The following FBXO11 variants were observed in gnomAD, a reference collection of about 807,000 sequenced individuals.
FBXO11 encodes the protein F-box only protein 11.
A neutral mutation model predicts 117.0 loss-of-function variants in FBXO11; 13 were observed. The ratio of observed to expected loss-of-function variants is 0.11; its 90% confidence interval spans 0.07 to 0.18. The LOEUF (loss-of-function observed/expected upper bound fraction) is 0.18, where lower values mean the gene tolerates loss of function less well. Ranked by LOEUF, FBXO11 falls within the 10% of genes least tolerant of loss-of-function variation. FBXO11 has a pLI of 1.00. For synonymous variants in FBXO11, 490 were observed against 380.5 expected (o/e 1.29, Z -3.35); for missense variants, 767 against 1,164.4 (o/e 0.66, Z 4.97).
Position 47,905,559 on chromosome 2 carries a change from C to A in FBXO11, c.162G>T (p.Gln54His), listed in dbSNP as rs952069055. 2 of 1,251,726 alleles carry A rather than the reference C, an allele frequency of 1.6e-6. No homozygotes were observed. Among genetic ancestry groups the A allele is most frequent in the African/African-American group, 1.6e-5 (1 of 63,582 alleles). 77.5% of individuals were successfully genotyped at this position (1,251,726 alleles called of 1,614,324 possible). A position where few individuals can be genotyped will look rare whatever the true frequency, so the allele number is the denominator to read the frequency against. The part of the protein sequence containing the change: ...QPPPPPQQQQ[Q>H]QQPPPPPPPP... ...GCGGTGGCGGCGGCGGAGGCTGCTG[C>A]TGCTGCTGCTGCTGCGGCGGCGGCG... Residue 54 changes from glutamine to histidine, a missense_variant, in exon 1 of 23, where the codon CAG becomes CAT. Gln to His is a conservative substitution (Grantham distance 24, BLOSUM62 0). Around this residue, in one of 10 missense-constraint regions of FBXO11, gnomAD observed 355 missense variants for 299.8 expected, o/e 1.18. Coordinates refer to ENST00000403359, the MANE Select transcript of FBXO11 (RefSeq NM_001190274.2).
chr2:47,883,767 G>T, intron 1 of FBXO11: 1 of 241,880 alleles, frequency 4.1e-6, no homozygotes, highest in South Asian at 6.1e-5. Context: ...AATACCATAA[G>T]GTGTATGAGA....
intron 1 of FBXO11, among the ~76,000 whole-genome samples, chr2:47,877,869 G>A (rs564951057): frequency 9.9e-5 from 15 of 152,234 alleles, no homozygotes; most frequent in Admixed American, 4.6e-4. Context: ...ATTTTTAGTA[G>A]AGATGGGGTT....
intron 1 of FBXO11, among the ~76,000 whole-genome samples, chr2:47,861,253 TC>T (rs1296199126): frequency 6.6e-6 from 1 of 151,942 alleles, no homozygotes; most frequent in Non-Finnish European, 1.5e-5. Flanking sequence ...CATCCACACT[TC>T]CTATGGAGTA....
intron 1 of FBXO11, among the ~76,000 whole-genome samples, chr2:47,891,125 T>A (rs1677233098): frequency 6.6e-6 from 1 of 152,112 alleles, no homozygotes; most frequent in Non-Finnish European, 1.5e-5. Flanking sequence ...CCAAAACTAT[T>A]ACTTTTTACT....
intron 11 of FBXO11, among the ~76,000 whole-genome samples, chr2:47,827,810 C>G (rs116312393): frequency 6.6e-6 from 1 of 151,390 alleles, no homozygotes; most frequent in Admixed American, 6.6e-5. Context: ...AATTTTCGTG[C>G]CTCAGCCTCC....
chr2:47,809,288 G>GT, intron 20 of FBXO11, 22 bp from the exon 21 acceptor site: 2 of 1,419,766 alleles, frequency 1.4e-6, no homozygotes, highest in Non-Finnish European at 9.8e-7. Flanking sequence ...GAAAGAATAA[G>GT]TAAAAATTCA....
At chr2:47,840,252 T>A (rs934789377) in intron 1 of FBXO11, among the ~76,000 whole-genome samples, 3 of 148,618 alleles carry the variant, frequency 2.0e-5, no homozygotes, top group Non-Finnish European at 3.0e-5. Flanking sequence ...CGTGGAAGAC[T>A]TTTTTTTAAA....
In FBXO11 at chr2:47,905,686, C is replaced by A. The variant is rs1275921658; in HGVS notation, c.35G>T (p.Arg12Met). ...NSVRAANRRP[R>M]RVSRPRPVQQ... The stretch of plus-strand genomic sequence containing the variant: ...CACCGGGCGCGGCCGCGACACTCGC[C>A]TGGGTCTCCGGTTGGCGGCTCGGAC... The change falls in exon 1 of 23, where the codon AGG becomes ATG. Residue 12 changes from arginine (R) to methionine (M), a missense_variant. Around this residue, in one of 10 missense-constraint regions of FBXO11, gnomAD observed 355 missense variants for 299.8 expected, o/e 1.18. Coordinates refer to ENST00000403359, the MANE Select transcript of FBXO11 (RefSeq NM_001190274.2). The A allele has an allele frequency of 6.6e-7, 1 of 1,517,418 alleles. No individual in the cohort carries two copies. The highest frequency in any genetic ancestry group is 2.0e-5 in the Admixed American group (1 of 49,652). 94.0% of individuals were successfully genotyped at this position (1,517,418 alleles called of 1,614,324 possible).
At chr2:47,850,869 AT>A (rs1388268001) in intron 1 of FBXO11, among the ~76,000 whole-genome samples, 1 of 152,218 alleles carries the variant, frequency 6.6e-6, no homozygotes, top group Non-Finnish European at 1.5e-5. Context: ...AGAATGGAAC[AT>A]TTAAAAATGT....
intron 1 of FBXO11, among the ~76,000 whole-genome samples, chr2:47,864,372 G>A (rs1675033137): frequency 6.6e-6 from 1 of 152,208 alleles, no homozygotes; most frequent in South Asian, 2.1e-4. Flanking sequence ...CAGATCACCT[G>A]AGGTCAGGAG....
intron 13 of FBXO11, among the ~76,000 whole-genome samples, chr2:47,821,599 G>A (rs975435778): frequency 4.7e-5 from 7 of 149,202 alleles, no homozygotes; most frequent in Non-Finnish European, 7.4e-5. Flanking sequence ...GATAGAGAGA[G>A]ACTCCGTCTC....
At chr2:47,851,081 G>A (rs1034547880) in intron 1 of FBXO11, among the ~76,000 whole-genome samples, 5 of 152,180 alleles carry the variant, frequency 3.3e-5, no homozygotes, top group South Asian at 2.1e-4. Flanking sequence ...TAGTGTTTAT[G>A]TCCAAGGAGA....
At chr2:47,826,827 C>T (rs1671790692) in intron 11 of FBXO11, among the ~76,000 whole-genome samples, 1 of 151,706 alleles carries the variant, frequency 6.6e-6, no homozygotes, top group Non-Finnish European at 1.5e-5. Flanking sequence ...GTGCAGTGGC[C>T]CAATCTTGGC....
At chr2:47,826,796 C>T (rs770885849) in intron 11 of FBXO11, among the ~76,000 whole-genome samples, 3 of 152,126 alleles carry the variant, frequency 2.0e-5, no homozygotes, top group Non-Finnish European at 4.4e-5. Flanking sequence ...CACAGAGTCT[C>T]ACTCTGTTGC....
chr2:47,820,749 G>C (rs1046300763), intron 13 of FBXO11, among the ~76,000 whole-genome samples: 1 of 152,186 alleles, frequency 6.6e-6, no homozygotes, highest in Non-Finnish European at 1.5e-5. Context: ...TGATCAGTAA[G>C]TATCTTTGTG....
chr2:47,877,596 G>T (rs772990625), intron 1 of FBXO11, among the ~76,000 whole-genome samples: 1 of 152,116 alleles, frequency 6.6e-6, no homozygotes. Flanking sequence ...TGGTGTGTGT[G>T]TATCTTTGTG....
intron 1 of FBXO11, among the ~76,000 whole-genome samples, chr2:47,902,908 T>C (rs1476935306): frequency 6.6e-6 from 1 of 151,062 alleles, no homozygotes; most frequent in Non-Finnish European, 1.5e-5. Context: ...CATTAAGAGT[T>C]AGTAAAAGGT....
intron 16 of FBXO11, among the ~76,000 whole-genome samples, chr2:47,816,294 C>T (rs1393686263): frequency 6.6e-6 from 1 of 152,202 alleles, no homozygotes; most frequent in East Asian, 1.9e-4. Context: ...ATCCTCCCAC[C>T]TCAGCCTTCC....
chr2:47,862,560 G>A (rs951908478), intron 1 of FBXO11, among the ~76,000 whole-genome samples: 20 of 152,252 alleles, frequency 1.3e-4, no homozygotes, highest in African/African-American at 4.6e-4. Flanking sequence ...GAGCAGCTAG[G>A]ACTATTGTGC....
Sources: gnomAD v4.1 joint callset for allele counts (sites outside exome capture counted in the v4.1 genomes callset) on GRCh38, gnomAD v4.1.1 for gene constraint, gnomAD v4.1.1 regional missense constraint, MANE v1.5 for transcripts, NCBI Gene and HGNC (gene_info 2026-07-23, HGNC 2026-07-21) for gene names.